The following TRDN variants were observed in gnomAD, a reference collection of about 807,000 sequenced individuals.
TRDN encodes triadin in skeletal muscle.
In TRDN, 161 loss-of-function variants were observed where a neutral mutation model predicts 149.7. That is an observed-to-expected ratio of 1.08 (90% CI 0.95 to 1.23). TRDN has a LOEUF of 1.23. Among genes scored for constraint, TRDN ranks in the 50% most tolerant of loss-of-function variants. The pLI, the probability that TRDN is intolerant of heterozygous loss-of-function variation, is 0.00. For synonymous variants in TRDN, 294 were observed against 250.5 expected (o/e 1.17, Z -1.64); for missense variants, 896 against 823.5 (o/e 1.09, Z -1.08).
intron 12 of TRDN, among the ~76,000 whole-genome samples, chr6:123,397,095 G>A (rs916286046): frequency 6.6e-6 from 1 of 151,932 alleles, no homozygotes; most frequent in African/African-American, 2.4e-5. Flanking sequence ...GAATAAGTTG[G>A]TAGAGATCAA....
Position 123,366,521 on chromosome 6 carries a change from A to G in TRDN, c.1274-339T>C, listed in dbSNP as rs150899549. Reference sequence around the variant, plus strand: ...CAATGGGATACTAATTTATTAGTCTACAATTTTTTTTTTTAAACGGAGATT... The same window carrying G: ...CAATGGGATACTAATTTATTAGTCTGCAATTTTTTTTTTTAAACGGAGATT... On this transcript the variant is annotated intron_variant, in intron 19 of 40. Transcript: ENST00000334268. Among the ~76,000 whole-genome samples the G allele has an allele frequency of 1.7e-3, 256 of 152,122 alleles. 1 individual carries two copies. The highest frequency in any genetic ancestry group is 5.8e-3 in the African/African-American group (239 of 41,508).
At chr6:123,533,790 G>C (rs945676389) in intron 4 of TRDN, among the ~76,000 whole-genome samples, 1 of 152,066 alleles carries the variant, frequency 6.6e-6, no homozygotes, top group Non-Finnish European at 1.5e-5. Context: ...CCAAATACAT[G>C]AAAGGGAGGT....
chr6:123,349,391 C>T (rs569382226), intron 21 of TRDN: 15 of 381,290 alleles, frequency 3.9e-5, no homozygotes, highest in Admixed American at 6.4e-5. Flanking sequence ...CATTCCCCAG[C>T]GCCTGGCCAG....
chr6:123,584,569 A>T (rs1185412765), intron 1 of TRDN, among the ~76,000 whole-genome samples: 3 of 152,060 alleles, frequency 2.0e-5, no homozygotes, highest in Non-Finnish European at 4.4e-5. Context: ...CAGGGAACGC[A>T]CGTGTGTTTT....
At chr6:123,246,695 C>T (rs1468767873) in intron 38 of TRDN, among the ~76,000 whole-genome samples, 1 of 151,786 alleles carries the variant, frequency 6.6e-6, no homozygotes, top group East Asian at 1.9e-4. Flanking sequence ...TGAAACTATT[C>T]CAAACAATAG....
At chr6:123,405,369 A>T (rs1261160256) in intron 12 of TRDN, among the ~76,000 whole-genome samples, 3 of 152,246 alleles carry the variant, frequency 2.0e-5, no homozygotes, top group Non-Finnish European at 4.4e-5. Flanking sequence ...TAGGCTTTCC[A>T]GTTAGCCCAT....
intron 18 of TRDN, among the ~76,000 whole-genome samples, chr6:123,376,760 T>A (rs140578178): frequency 3.0e-4 from 46 of 152,232 alleles, no homozygotes; most frequent in African/African-American, 1.0e-3. Context: ...TGTGGTAGGG[T>A]GAGACTACAG....
chr6:123,376,241 T>C (rs1781498727), intron 18 of TRDN, among the ~76,000 whole-genome samples: 1 of 152,164 alleles, frequency 6.6e-6, no homozygotes, highest in Non-Finnish European at 1.5e-5. Context: ...AGGTTCTTCT[T>C]ACATGCGTAA....
At chr6:123,328,422 A>G (rs1779541208) in intron 23 of TRDN, among the ~76,000 whole-genome samples, 1 of 152,154 alleles carries the variant, frequency 6.6e-6, no homozygotes, top group South Asian at 2.1e-4. Flanking sequence ...ATTTTTTCAT[A>G]TGATTTGGAA....
chr6:123,312,240 G>T (rs1025435318), intron 24 of TRDN, among the ~76,000 whole-genome samples: 2 of 151,872 alleles, frequency 1.3e-5, no homozygotes, highest in Non-Finnish European at 2.9e-5. Context: ...AAGTTAGACA[G>T]AAATTACCAT....
At chr6:123,243,746 C>A (rs558597215) in intron 38 of TRDN, among the ~76,000 whole-genome samples, 3 of 151,728 alleles carry the variant, frequency 2.0e-5, no homozygotes, top group Non-Finnish European at 4.4e-5. Flanking sequence ...GGAAATAAAC[C>A]GGTAAGTCAC....
intron 2 of TRDN, among the ~76,000 whole-genome samples, chr6:123,551,516 T>C (rs567784169): frequency 3.9e-5 from 6 of 152,154 alleles, no homozygotes; most frequent in African/African-American, 1.4e-4. Flanking sequence ...TTTAAGAAGA[T>C]ACTTAGGTAA....
At chr6:123,382,591 G>A (rs1781761911) in intron 14 of TRDN, among the ~76,000 whole-genome samples, 1 of 151,820 alleles carries the variant, frequency 6.6e-6, no homozygotes, top group Non-Finnish European at 1.5e-5. Context: ...GGTGAATTAT[G>A]TTGCACTGTC....
chr6:123,404,807 G>C lies in TRDN; in HGVS notation c.1052-11130C>G, dbSNP rs140448470. On this transcript the variant is annotated intron_variant, in intron 12 of 40. Transcript: ENST00000334268. ...AAGAGTTCAAATGCTTTAACTGTCAGCTCACATGCTAATGCTCTAGATAAA... is the reference window on the plus strand; with the variant it reads ...AAGAGTTCAAATGCTTTAACTGTCACCTCACATGCTAATGCTCTAGATAAA... 3.0e-3 allele frequency among the ~76,000 whole-genome samples: 456 copies of C among 152,248 alleles called. 1 individual carries two copies. The highest frequency in any genetic ancestry group is 3.6e-3 in the Non-Finnish European group (243 of 68,010).
chr6:123,560,114 C>T (rs1015716242), intron 2 of TRDN, among the ~76,000 whole-genome samples: 16 of 152,206 alleles, frequency 1.1e-4, no homozygotes, highest in African/African-American at 3.9e-4. Flanking sequence ...GCCCTTATGT[C>T]TGCGTGCGGC....
Position 123,218,071 on chromosome 6 carries a change from G to A in TRDN, c.*530C>T, listed in dbSNP as rs1262918517. 1 of 151,864 alleles carries A rather than the reference G, an allele frequency of 6.6e-6. No individual in the cohort carries two copies. Among genetic ancestry groups the A allele is most frequent in the Non-Finnish European group, 1.5e-5 (1 of 67,962 alleles). 9.4% of individuals were successfully genotyped at this position (151,864 alleles called of 1,614,324 possible). A position where few individuals can be genotyped will look rare whatever the true frequency, so the allele number is the denominator to read the frequency against. Reference sequence around the variant, plus strand: ...AGTACAACTATTACCCATTCTTAGAGCAAAGCCACAACTAAAATAGAAATA... The same window carrying A: ...AGTACAACTATTACCCATTCTTAGAACAAAGCCACAACTAAAATAGAAATA... On this transcript the variant is annotated 3_prime_UTR_variant, in exon 41 of 41. Coordinates refer to ENST00000334268, the MANE Select transcript of TRDN (RefSeq NM_006073.4).
At chr6:123,579,569 A>T (rs779172392) in intron 1 of TRDN, among the ~76,000 whole-genome samples, 4 of 152,062 alleles carry the variant, frequency 2.6e-5, no homozygotes, top group Non-Finnish European at 5.9e-5. Context: ...TTTTTGCATC[A>T]ATGTTTATCA....
chr6:123,349,406 G>A (rs1184343999), intron 21 of TRDN: 1 of 528,142 alleles, frequency 1.9e-6, no homozygotes, highest in Non-Finnish European at 2.4e-6. Context: ...GGCCAGTTGT[G>A]GGCGCTCAAT....
chr6:123,543,911 G>A (rs753064707), intron 4 of TRDN, among the ~76,000 whole-genome samples: 14 of 151,918 alleles, frequency 9.2e-5, no homozygotes, highest in Middle Eastern at 6.8e-3. Flanking sequence ...TTACCCAAGA[G>A]CTACATTATG....
Sources: allele counts gnomAD v4.1 joint callset (sites outside exome capture counted in the v4.1 genomes callset), GRCh38; gene constraint gnomAD v4.1.1; transcripts MANE v1.5; gene names NCBI Gene and HGNC (gene_info 2026-07-23, HGNC 2026-07-21).